The following TNFSF4 variants were observed in gnomAD, a reference collection of about 807,000 sequenced individuals.
The protein encoded by TNFSF4 is TNF superfamily member 4.
Under a neutral mutation model 7.3 loss-of-function variants are expected in TNFSF4, and 4 were observed. That is an observed-to-expected ratio of 0.55 (90% CI 0.27 to 1.25). The LOEUF is 1.25. Ranked by LOEUF, TNFSF4 falls within the 50% of genes most tolerant of loss-of-function variation. The pLI is 0.12. For missense variants in TNFSF4, 181 were observed against 208.8 expected, an observed-to-expected ratio of 0.87 and a Z score of 0.82; for synonymous variants, 76 against 83.7, an observed-to-expected ratio of 0.91 and a Z score of 0.50.
chr1:173,441,065 G>C, the TNFSF4 span, among the ~76,000 whole-genome samples: 2 of 152,112 alleles, frequency 1.3e-5, no homozygotes, highest in African/African-American at 4.8e-5. Flanking sequence ...TCTGAGTGCA[G>C]TCAGAGCAGG....
At chr1:173,324,699 A>G in the TNFSF4 span, among the ~76,000 whole-genome samples, 6 of 152,102 alleles carry the variant, frequency 3.9e-5, no homozygotes, top group South Asian at 2.1e-4. Flanking sequence ...ACAAAAAAAG[A>G]CAGGGGTTGC....
the TNFSF4 span, among the ~76,000 whole-genome samples, chr1:173,404,065 A>T: frequency 6.6e-6 from 1 of 152,334 alleles, no homozygotes; most frequent in African/African-American, 2.4e-5. Context: ...CAGAGCGTGG[A>T]ATGCAGTCCA....
chr1:173,211,335 T>C (rs1427742906), upstream of TNFSF4, among the ~76,000 whole-genome samples: 1 of 152,210 alleles, frequency 6.6e-6, no homozygotes, highest in East Asian at 1.9e-4. Flanking sequence ...ACTGTCCTGG[T>C]TAATGTTTTT....
the TNFSF4 span, among the ~76,000 whole-genome samples, chr1:173,348,286 G>A: frequency 4.6e-5 from 7 of 152,094 alleles, no homozygotes; most frequent in South Asian, 4.1e-4. Flanking sequence ...AGATCTGATC[G>A]TTTTATAAGG....
At chr1:173,264,968 C>A in the TNFSF4 span, among the ~76,000 whole-genome samples, 1 of 152,202 alleles carries the variant, frequency 6.6e-6, no homozygotes, top group African/African-American at 2.4e-5. Context: ...ACCATCACAA[C>A]ACAAGGCAAA....
chr1:173,388,039 G>A, the TNFSF4 span, among the ~76,000 whole-genome samples: 1 of 152,164 alleles, frequency 6.6e-6, no homozygotes. Context: ...CTTTTGTAAA[G>A]TGAAGAAAAT....
chr1:173,323,236 A>G, the TNFSF4 span, among the ~76,000 whole-genome samples: 152,233 of 152,342 alleles, frequency 1, 76,062 homozygotes, highest in Non-Finnish European at 1. Context: ...ACCAATATCC[A>G]CTGTTCTGCA....
the TNFSF4 span, among the ~76,000 whole-genome samples, chr1:173,314,987 C>T: frequency 3.0e-4 from 45 of 152,090 alleles, 1 homozygote; most frequent in Admixed American, 2.0e-3. Flanking sequence ...ACAGTGGAAA[C>T]TCAAAGGAGA....
chr1:173,296,789 T>C, the TNFSF4 span, among the ~76,000 whole-genome samples: 1 of 151,974 alleles, frequency 6.6e-6, no homozygotes. Flanking sequence ...GCTTCCCCTA[T>C]AGCAGAAGAT....
chr1:173,305,848 C>T, the TNFSF4 span, among the ~76,000 whole-genome samples: 1 of 151,828 alleles, frequency 6.6e-6, no homozygotes, highest in African/African-American at 2.4e-5. Context: ...GAAACTGCCT[C>T]CATGATCCAG....
At chr1:173,194,719 C>CA (rs965350542) in intron 1 of TNFSF4, among the ~76,000 whole-genome samples, 10 of 151,070 alleles carry the variant, frequency 6.6e-5, no homozygotes, top group African/African-American at 2.2e-4. Context: ...CCTATTTCTA[C>CA]AAAAAAATAA....
At chr1:173,308,285 C>CTCTCTCTCTCTGTGTG in the TNFSF4 span, among the ~76,000 whole-genome samples, 276 of 135,086 alleles carry the variant, frequency 2.0e-3, 4 homozygotes, top group African/African-American at 7.4e-3. Flanking sequence ...CTCTCTCTCT[C>CTCTCTCTCTCTGTGTG]TGTGTGTGTG....
chr1:173,310,099 C>A, the TNFSF4 span, among the ~76,000 whole-genome samples: 1 of 151,790 alleles, frequency 6.6e-6, no homozygotes, highest in East Asian at 1.9e-4. Flanking sequence ...ATTTATTAAT[C>A]ATAAAAACAT....
rs546860748 is a variant in TNFSF4, at chr1:173,207,120, G to A, written c.57C>T (p.Phe19=). 6.2e-6 allele frequency: 10 copies of A among 1,613,834 alleles called. No individual in the cohort carries two copies. Among genetic ancestry groups the A allele is most frequent in the African/African-American group, 1.3e-5 (1 of 75,004 alleles). Residue 19 remains phenylalanine (F), a synonymous_variant, in exon 1 of 3, where the codon TTC becomes TTT. Coordinates refer to ENST00000281834, the MANE Select transcript of TNFSF4 (RefSeq NM_003326.5). ...CCACCAGCAATAGCTTGTTCCTCTC[G>A]AATCTTGGCCTGGCTGCATTTCCCA... ...ENVGNAARPR[F]ERNKLLLVAS... is the part of the protein sequence containing the mutation.
the TNFSF4 span, among the ~76,000 whole-genome samples, chr1:173,244,912 G>A: frequency 1.3e-5 from 2 of 151,860 alleles, no homozygotes; most frequent in African/African-American, 4.8e-5. Context: ...TATGTAATTG[G>A]ATCTTTTCTT....
the TNFSF4 span, among the ~76,000 whole-genome samples, chr1:173,305,689 T>A: frequency 1.3e-5 from 2 of 151,226 alleles, no homozygotes; most frequent in Non-Finnish European, 2.9e-5. Flanking sequence ...ACTGGGTAAT[T>A]TATTAAAAAA....
At chr1:173,233,739 T>A in the TNFSF4 span, among the ~76,000 whole-genome samples, 2 of 152,178 alleles carry the variant, frequency 1.3e-5, no homozygotes, top group East Asian at 3.8e-4. Flanking sequence ...GACTATTTCT[T>A]TTTTTGAGTC....
the TNFSF4 span, among the ~76,000 whole-genome samples, chr1:173,283,456 A>T: frequency 6.6e-6 from 1 of 152,248 alleles, no homozygotes; most frequent in Non-Finnish European, 1.5e-5. Flanking sequence ...TAAGCCAGAA[A>T]CCTAGACAGA....
the TNFSF4 span, among the ~76,000 whole-genome samples, chr1:173,239,563 G>C: frequency 6.6e-6 from 1 of 152,226 alleles, no homozygotes; most frequent in Non-Finnish European, 1.5e-5. Context: ...AGGTAGAGCA[G>C]ATCCTGTTAT....
Sources: gnomAD v4.1 joint callset for allele counts (sites outside exome capture counted in the v4.1 genomes callset) on GRCh38, gnomAD v4.1.1 for gene constraint, MANE v1.5 for transcripts, NCBI Gene and HGNC (gene_info 2026-07-23, HGNC 2026-07-21) for gene names.